Variants in RBMS1 observed in about 807,000 individuals in gnomAD.
The protein encoded by RBMS1 is RNA binding motif single stranded interacting protein 1.
A neutral mutation model predicts 62.3 loss-of-function variants in RBMS1; 17 were observed. That is an observed-to-expected ratio of 0.27 (90% CI 0.19 to 0.41). RBMS1 has a LOEUF of 0.41. Among genes scored for constraint, RBMS1 ranks in the 10% least tolerant of loss-of-function variants. The probability of loss-of-function intolerance (pLI) is 1.00; values close to 1 mark genes in which losing one functional copy is unlikely to be tolerated. For synonymous variants in RBMS1, 172 were observed against 170.0 expected (o/e 1.01, Z -0.09); for missense variants, 334 against 504.5 (o/e 0.66, Z 3.24).
At chr2:160,436,571 A>G (rs1226563596) in intron 1 of RBMS1, among the ~76,000 whole-genome samples, 6 of 152,204 alleles carry the variant, frequency 3.9e-5, no homozygotes, top group Non-Finnish European at 2.9e-5. Context: ...GATATGTTTT[A>G]TCTATTACCT....
At chr2:160,300,008 G>T (rs1226998372) in intron 6 of RBMS1, among the ~76,000 whole-genome samples, 1 of 152,190 alleles carries the variant, frequency 6.6e-6, no homozygotes, top group East Asian at 1.9e-4. Flanking sequence ...TGTGAACAAG[G>T]GATGGGGTGC....
chr2:160,291,991 A>G (rs1040467159), intron 6 of RBMS1, among the ~76,000 whole-genome samples: 1 of 152,182 alleles, frequency 6.6e-6, no homozygotes, highest in Admixed American at 6.5e-5. Flanking sequence ...CTTTTCTTCT[A>G]CCATTTATGT....
At chr2:160,417,811 C>T (rs1696263689) in intron 1 of RBMS1, among the ~76,000 whole-genome samples, 1 of 152,204 alleles carries the variant, frequency 6.6e-6, no homozygotes, top group Non-Finnish European at 1.5e-5. Flanking sequence ...ATTTGTCAAA[C>T]ACTCATTTTT....
At chr2:160,312,508 T>A (rs1689981379) in intron 4 of RBMS1, among the ~76,000 whole-genome samples, 1 of 152,188 alleles carries the variant, frequency 6.6e-6, no homozygotes, top group African/African-American at 2.4e-5. Flanking sequence ...TTGAAGAAAT[T>A]TTCAACAATA....
At chr2:160,430,605 A>T (rs1052020252) in intron 1 of RBMS1, among the ~76,000 whole-genome samples, 1 of 152,228 alleles carries the variant, frequency 6.6e-6, no homozygotes. Context: ...CTTCTTTTCC[A>T]TAAGAACTAG....
At chr2:160,446,767 C>T (rs576789712) in intron 1 of RBMS1, among the ~76,000 whole-genome samples, 1 of 152,336 alleles carries the variant, frequency 6.6e-6, no homozygotes, top group African/African-American at 2.4e-5. Flanking sequence ...CCCCATTCCT[C>T]GGACTGCTGT....
intron 6 of RBMS1, among the ~76,000 whole-genome samples, chr2:160,299,223 T>C (rs1022007132): frequency 3.9e-5 from 6 of 152,310 alleles, no homozygotes; most frequent in Non-Finnish European, 5.9e-5. Flanking sequence ...CTTTTAAATG[T>C]TGACATGAGA....
chr2:160,386,433 G>A (rs1377949573), intron 1 of RBMS1, among the ~76,000 whole-genome samples: 1 of 152,148 alleles, frequency 6.6e-6, no homozygotes, highest in Non-Finnish European at 1.5e-5. Context: ...CTATTCAGGA[G>A]GTTGAGGCAG....
intron 1 of RBMS1, among the ~76,000 whole-genome samples, chr2:160,379,330 A>G (rs1300801189): frequency 1.3e-5 from 2 of 152,228 alleles, no homozygotes; most frequent in Non-Finnish European, 2.9e-5. Context: ...TTACAGGGAC[A>G]AAGTTTATTT....
intron 10 of RBMS1, chr2:160,279,855 T>C (rs921180900): frequency 1.3e-5 from 2 of 152,194 alleles, no homozygotes; most frequent in South Asian, 2.1e-4. Flanking sequence ...AATCCTCAGA[T>C]AGCAACCTTC....
intron 6 of RBMS1, among the ~76,000 whole-genome samples, chr2:160,287,697 T>G (rs887031950): frequency 5.3e-5 from 8 of 152,236 alleles, no homozygotes; most frequent in Non-Finnish European, 1.2e-4. Flanking sequence ...GTCTGGACTT[T>G]GTAGTTGCTT....
chr2:160,280,316 T>TA (rs1202469642), intron 10 of RBMS1, among the ~76,000 whole-genome samples: 3 of 152,220 alleles, frequency 2.0e-5, no homozygotes, highest in African/African-American at 4.8e-5. Context: ...TATGTGTATA[T>TA]ATCACACAAA....
At chr2:160,464,048 G>T (rs1310011531) in intron 1 of RBMS1, among the ~76,000 whole-genome samples, 6 of 152,088 alleles carry the variant, frequency 3.9e-5, no homozygotes, top group Admixed American at 1.3e-4. Flanking sequence ...AAAGAAGTAT[G>T]GAGCAAAGTG....
intron 2 of RBMS1, among the ~76,000 whole-genome samples, chr2:160,323,779 T>C (rs753448123): frequency 6.6e-6 from 1 of 152,102 alleles, no homozygotes; most frequent in Non-Finnish European, 1.5e-5. Context: ...TGAAGAGTAA[T>C]TAAGAGACAT....
At chr2:160,487,056 A>T (rs117049040) in intron 1 of RBMS1, among the ~76,000 whole-genome samples, 3 of 152,374 alleles carry the variant, frequency 2.0e-5, no homozygotes, top group East Asian at 3.8e-4. Flanking sequence ...AAATTAATTG[A>T]ATATGAAACT....
intron 1 of RBMS1, among the ~76,000 whole-genome samples, chr2:160,418,873 T>G (rs1052794491): frequency 6.6e-6 from 1 of 152,214 alleles, no homozygotes; most frequent in Non-Finnish European, 1.5e-5. Flanking sequence ...TAGCCAAGCC[T>G]CTAACACAGG....
chr2:160,349,321 A>G (rs1275609218), intron 2 of RBMS1, among the ~76,000 whole-genome samples: 1 of 152,156 alleles, frequency 6.6e-6, no homozygotes, highest in East Asian at 1.9e-4. Context: ...TGCTTAATAG[A>G]TGTATTTATT....
At chr2:160,286,416 C>G (rs1483700479) in intron 7 of RBMS1, among the ~76,000 whole-genome samples, 1 of 149,844 alleles carries the variant, frequency 6.7e-6, no homozygotes, top group African/African-American at 2.5e-5. Flanking sequence ...GCCTCCCGGG[C>G]TGCAGCGATT....
chr2:160,343,011 A>C (rs1199484273), intron 2 of RBMS1, among the ~76,000 whole-genome samples: 1 of 152,136 alleles, frequency 6.6e-6, no homozygotes, highest in African/African-American at 2.4e-5. Context: ...GGACCTATGA[A>C]GCCACCATGG....
Sources: allele counts gnomAD v4.1 joint callset (sites outside exome capture counted in the v4.1 genomes callset), GRCh38; gene constraint gnomAD v4.1.1; transcripts MANE v1.5; gene names NCBI Gene and HGNC (gene_info 2026-07-23, HGNC 2026-07-21).